The following IGSF11 variants were observed in gnomAD, a reference collection of about 807,000 sequenced individuals.
The protein encoded by IGSF11 is CXADR like 1.
IGSF11 carries 22 observed loss-of-function variants against 41.0 expected under a neutral mutation model. The ratio of observed to expected loss-of-function variants is 0.54; its 90% CI spans 0.38 to 0.77. IGSF11 has a LOEUF of 0.77. Among genes scored for constraint, IGSF11 ranks in the 30% least tolerant of loss-of-function variants. The pLI, the probability that IGSF11 is intolerant of heterozygous loss-of-function variation, is 0.00. For synonymous variants in IGSF11, 219 were observed against 201.3 expected (o/e 1.09, Z -0.74); for missense variants, 444 against 530.8 (o/e 0.84, Z 1.61).
intron 1 of IGSF11, among the ~76,000 whole-genome samples, chr3:119,087,979 G>T (rs1041916206): frequency 1.6e-4 from 25 of 152,104 alleles, no homozygotes; most frequent in African/African-American, 6.0e-4. Context: ...ATAATCGTGG[G>T]AGACTGCCAC....
At chr3:119,078,408 A>G (rs2076536323) in intron 1 of IGSF11, among the ~76,000 whole-genome samples, 1 of 152,200 alleles carries the variant, frequency 6.6e-6, no homozygotes, top group Non-Finnish European at 1.5e-5. Flanking sequence ...ACCCATAAAT[A>G]AAGCCACATA....
chr3:119,004,426 T>C (rs556547663), intron 1 of IGSF11, among the ~76,000 whole-genome samples: 1 of 151,666 alleles, frequency 6.6e-6, no homozygotes, highest in Non-Finnish European at 1.5e-5. Flanking sequence ...CCTGGATTCA[T>C]TGATTTTTTG....
chr3:118,914,448 C>T (rs957403098), intron 4 of IGSF11, among the ~76,000 whole-genome samples: 14 of 151,354 alleles, frequency 9.2e-5, no homozygotes, highest in East Asian at 3.9e-4. Flanking sequence ...ACCTGGGAAG[C>T]GCAAGGGGTC....
chr3:118,902,028 C>T lies in IGSF11; in HGVS notation c.*492G>A, dbSNP rs1938926074. 4 of 153,398 alleles carry T rather than the reference C, an allele frequency of 2.6e-5. No individual in the cohort carries two copies. Among genetic ancestry groups the T allele is most frequent in the Non-Finnish European group, 5.8e-5 (4 of 68,954 alleles). 9.5% of individuals were successfully genotyped at this position (153,398 alleles called of 1,614,324 possible). A position where few individuals can be genotyped will look rare whatever the true frequency, so the allele number is the denominator to read the frequency against. The stretch of plus-strand genomic sequence containing the variant: ...GATAGAAGAGTCAGCCCTGTTGGGA[C>T]CAATATTAACCATTTATACCATTAA... On this transcript the variant is annotated 3_prime_UTR_variant, in exon 7 of 7. Coordinates refer to ENST00000393775, the MANE Select transcript of IGSF11 (RefSeq NM_001015887.3).
At chr3:119,046,752 T>G (rs1450546387) in intron 1 of IGSF11, among the ~76,000 whole-genome samples, 5 of 152,048 alleles carry the variant, frequency 3.3e-5, no homozygotes, top group Non-Finnish European at 7.4e-5. Context: ...GAGAGAAAGG[T>G]CTGGTTACCC....
upstream of IGSF11, among the ~76,000 whole-genome samples, chr3:119,105,933 C>A (rs2077015609): frequency 2.0e-5 from 3 of 152,152 alleles, no homozygotes; most frequent in Non-Finnish European, 2.9e-5. Context: ...CCCCAACCAA[C>A]AAGCTTTCTG....
At position 119,003,365 on chromosome 3, in the gene IGSF11, G is replaced by A. The variant is rs1937108680; in HGVS notation, c.52+31166C>T. On this transcript the variant is annotated intron_variant, in intron 1 of 6. Transcript: ENST00000393775. ...CTGAAGTTGCTTATCAGCTTAAGGA[G>A]ATTTTGGGCTGAGACGATGGGGTTT... Among the ~76,000 whole-genome samples the A allele has an allele frequency of 2.7e-5, 4 of 149,246 alleles. No homozygotes were observed. In the South Asian group the frequency reaches 8.5e-4, roughly 32 times the overall value.
chr3:119,040,751 T>A (rs1941088480), intron 1 of IGSF11, among the ~76,000 whole-genome samples: 1 of 152,244 alleles, frequency 6.6e-6, no homozygotes, highest in Non-Finnish European at 1.5e-5. Context: ...ATAAATATTT[T>A]GAATGGATGA....
chr3:119,098,117 G>A (rs756772037), intron 1 of IGSF11, among the ~76,000 whole-genome samples: 1 of 151,648 alleles, frequency 6.6e-6, no homozygotes. Flanking sequence ...TTTTCTTTTG[G>A]AGAACAAAGC....
intron 1 of IGSF11, among the ~76,000 whole-genome samples, chr3:119,029,692 A>G (rs913472473): frequency 6.6e-6 from 1 of 152,232 alleles, no homozygotes; most frequent in Non-Finnish European, 1.5e-5. Flanking sequence ...AACTTTGGGC[A>G]AAAGTGAGTA....
intron 1 of IGSF11, among the ~76,000 whole-genome samples, chr3:119,094,816 C>T (rs1003105662): frequency 7.2e-5 from 11 of 151,868 alleles, no homozygotes; most frequent in African/African-American, 1.2e-4. Context: ...GGATTACAGG[C>T]TCCTGCCACC....
At chr3:118,936,337 T>A (rs1399270580) in intron 1 of IGSF11, among the ~76,000 whole-genome samples, 4 of 151,856 alleles carry the variant, frequency 2.6e-5, no homozygotes, top group South Asian at 4.2e-4. Context: ...TGAAACTCCA[T>A]CTCTACCAAA....
chr3:119,021,945 C>G (rs1469420772), intron 1 of IGSF11, among the ~76,000 whole-genome samples: 1 of 152,124 alleles, frequency 6.6e-6, no homozygotes, highest in Non-Finnish European at 1.5e-5. Context: ...GCCAGTACTT[C>G]CACAAACATG....
intron 1 of IGSF11, among the ~76,000 whole-genome samples, chr3:118,978,747 C>T (rs1934394499): frequency 6.6e-6 from 1 of 152,148 alleles, no homozygotes; most frequent in Admixed American, 6.6e-5. Context: ...AGTGCCCTAC[C>T]CAACCGACAC....
intron 1 of IGSF11, chr3:118,947,897 T>C (rs888863884): frequency 3.3e-5 from 5 of 152,238 alleles, no homozygotes; most frequent in Admixed American, 3.3e-4. Flanking sequence ...GTTGGTAAGG[T>C]TTATACAGAT....
intron 1 of IGSF11, among the ~76,000 whole-genome samples, chr3:118,933,141 C>T (rs1576407969): frequency 6.6e-6 from 1 of 152,180 alleles, no homozygotes; most frequent in African/African-American, 2.4e-5. Flanking sequence ...ATCTCACATT[C>T]TGAAATATCT....
intron 1 of IGSF11, among the ~76,000 whole-genome samples, chr3:119,049,843 C>T (rs760864150): frequency 8.5e-4 from 126 of 147,950 alleles, no homozygotes; most frequent in African/African-American, 2.2e-3. Flanking sequence ...GAAATAACGC[C>T]GCATATCTAC....
intron 1 of IGSF11, among the ~76,000 whole-genome samples, chr3:119,087,163 T>C (rs2076689208): frequency 6.6e-6 from 1 of 152,106 alleles, no homozygotes; most frequent in East Asian, 1.9e-4. Context: ...ATGTGGAAAA[T>C]AGTGTGGAGA....
chr3:118,906,936 A>T (rs772145628), intron 4 of IGSF11, among the ~76,000 whole-genome samples: 3 of 152,190 alleles, frequency 2.0e-5, no homozygotes, highest in African/African-American at 7.2e-5. Flanking sequence ...AGGAAATTCA[A>T]TTGGATGAAG....
Sources: allele counts gnomAD v4.1 joint callset (sites outside exome capture counted in the v4.1 genomes callset), GRCh38; gene constraint gnomAD v4.1.1; transcripts MANE v1.5; gene names NCBI Gene and HGNC (gene_info 2026-07-23, HGNC 2026-07-21).